The following TMEM38A variants were observed in gnomAD, a reference collection of about 807,000 sequenced individuals.
TMEM38A encodes the protein trimeric intracellular cation channel type A.
In TMEM38A, 17 loss-of-function variants were observed where a neutral mutation model predicts 28.6. That is an observed-to-expected ratio of 0.60 (90% CI 0.41 to 0.89). The LOEUF (loss-of-function observed/expected upper bound fraction) is 0.89, where lower values mean the gene tolerates loss of function less well. TMEM38A is among the 40% of genes least tolerant of loss of function. The pLI, the probability that TMEM38A is intolerant of heterozygous loss-of-function variation, is 0.00. For missense variants in TMEM38A, 328 were observed against 393.1 expected, an observed-to-expected ratio of 0.83 and a Z score of 1.40; for synonymous variants, 169 against 166.1, an observed-to-expected ratio of 1.02 and a Z score of -0.14.
Position 16,688,277 on chromosome 19 carries a change from G to A in TMEM38A, c.806G>A (p.Gly269Asp), listed in dbSNP as rs763234124. Residue 269 changes from glycine to aspartate, a missense_variant, in exon 6 of 6, where the codon GGT becomes GAT. By Grantham distance (94) the Gly-to-Asp change is moderately conservative. Coordinates refer to ENST00000187762, the MANE Select transcript of TMEM38A (RefSeq NM_024074.4). ...HDNHGGSHSG[G>D]GPGAQHSAMP... Reference sequence around the variant, plus strand: ...AACCATGGTGGGTCCCACAGCGGTGGTGGGCCAGGAGCTCAGCATTCGGCC... The same window carrying A: ...AACCATGGTGGGTCCCACAGCGGTGATGGGCCAGGAGCTCAGCATTCGGCC... 21 of 1,608,338 alleles carry A rather than the reference G, an allele frequency of 1.3e-5. No homozygotes were observed. The highest frequency in any genetic ancestry group is 1.6e-5 in the Non-Finnish European group (19 of 1,177,250).
In TMEM38A at chr19:16,688,100, C is replaced by T. The variant is rs773193555; in HGVS notation, c.673-44C>T. On this transcript the variant is annotated intron_variant, in intron 5 of 5. Transcript: ENST00000187762. ...CCACTCCTTTGCTTTCTACCTTGGTCTCCCTCTGTCTCTCTTGCTGTCTCC... is the reference window on the plus strand; with the variant it reads ...CCACTCCTTTGCTTTCTACCTTGGTTTCCCTCTGTCTCTCTTGCTGTCTCC... 2.2e-6 allele frequency: 3 copies of T among 1,341,798 alleles called. No homozygotes were observed. The South Asian group carries it at 5.6e-5, about 25-fold the overall frequency. 83.1% of individuals were successfully genotyped at this position (1,341,798 alleles called of 1,614,324 possible).
intron 1 of TMEM38A, among the ~76,000 whole-genome samples, chr19:16,670,878 G>T (rs916524509): frequency 1.3e-5 from 2 of 152,078 alleles, no homozygotes; most frequent in Non-Finnish European, 2.9e-5. Flanking sequence ...GGTGGAGGTT[G>T]CATCAAGCCA....
At position 16,688,354 on chromosome 19, in the gene TMEM38A, G is replaced by T; in HGVS notation, c.883G>T (p.Ala295Ser). The T allele has an allele frequency of 6.3e-7, 1 of 1,591,796 alleles. No homozygotes were observed. The change falls in exon 6 of 6, where the codon GCC becomes TCC. Residue 295 changes from alanine (A) to serine (S), a missense_variant. Coordinates refer to ENST00000187762, the MANE Select transcript of TMEM38A (RefSeq NM_024074.4). Reference protein sequence around the residue: ...ELSEGSRKKKAKKAD With the variant: ...ELSEGSRKKKSKKAD ...GAGCGAGGGCTCCAGGAAGAAGAAG[G>T]CCAAGAAGGCGGATTAGGGGGTGGC...
intron 1 of TMEM38A, among the ~76,000 whole-genome samples, chr19:16,669,585 A>C (rs1009919081): frequency 1.3e-5 from 2 of 152,144 alleles, no homozygotes; most frequent in African/African-American, 4.8e-5. Flanking sequence ...TCTGGTTTGA[A>C]CTACAAGCTT....
chr19:16,676,885 C>T (rs12459434), intron 1 of TMEM38A, among the ~76,000 whole-genome samples: 38 of 150,942 alleles, frequency 2.5e-4, no homozygotes, highest in Admixed American at 7.3e-4. Flanking sequence ...CTCAGCCTCC[C>T]GAGTAGCTGA....
chr19:16,677,193 A>G (rs967709482), intron 1 of TMEM38A, among the ~76,000 whole-genome samples: 2 of 152,074 alleles, frequency 1.3e-5, no homozygotes, highest in African/African-American at 2.4e-5. Flanking sequence ...TTTATGACTC[A>G]CAAGAAGTTG....
intron 1 of TMEM38A, among the ~76,000 whole-genome samples, chr19:16,675,238 T>C (rs1009475194): frequency 1.3e-5 from 2 of 152,092 alleles, no homozygotes; most frequent in African/African-American, 4.8e-5. Context: ...ATGACTCTTA[T>C]TTGTTTATTT....
chr19:16,683,013 G>A (rs561705438), intron 4 of TMEM38A, among the ~76,000 whole-genome samples: 5 of 152,014 alleles, frequency 3.3e-5, no homozygotes, highest in East Asian at 1.9e-4. Flanking sequence ...TTGCTCTGTC[G>A]CCCAGGCTTG....
intron 1 of TMEM38A, among the ~76,000 whole-genome samples, chr19:16,677,573 C>G (rs1290604021): frequency 1.3e-5 from 2 of 150,792 alleles, no homozygotes; most frequent in African/African-American, 4.9e-5. Flanking sequence ...CCTTCCCTCC[C>G]TTCCCCTCCC....
At chr19:16,679,182 A>AAG (rs1555710103) in intron 1 of TMEM38A, among the ~76,000 whole-genome samples, 1,996 of 139,886 alleles carry the variant, frequency 0.014, 144 homozygotes, top group African/African-American at 0.051. Flanking sequence ...AAAAAAAAAA[A>AAG]AAGAATACCA....
chr19:16,668,714 T>C (rs2086714024), intron 1 of TMEM38A, among the ~76,000 whole-genome samples: 1 of 152,116 alleles, frequency 6.6e-6, no homozygotes, highest in Non-Finnish European at 1.5e-5. Context: ...AATCATGCAG[T>C]ATGTACCCCT....
At chr19:16,662,159 C>G (rs1195313524) in intron 1 of TMEM38A, among the ~76,000 whole-genome samples, 1 of 152,112 alleles carries the variant, frequency 6.6e-6, no homozygotes, top group Non-Finnish European at 1.5e-5. Context: ...AGAACACCAG[C>G]AACTTACTAG....
chr19:16,681,340 A>G (rs1282419330), intron 3 of TMEM38A, among the ~76,000 whole-genome samples: 2 of 152,208 alleles, frequency 1.3e-5, no homozygotes, highest in Non-Finnish European at 2.9e-5. Context: ...TTAGAAATAA[A>G]GAACGTTTTA....
intron 1 of TMEM38A, among the ~76,000 whole-genome samples, chr19:16,668,069 C>T (rs563587225): frequency 1.3e-5 from 2 of 151,596 alleles, no homozygotes; most frequent in Non-Finnish European, 2.9e-5. Context: ...ATTAGCCAGG[C>T]GTGATGGCGG....
At chr19:16,670,269 G>GTTTTTTTTTTTTTTT (rs1411682446) in intron 1 of TMEM38A, among the ~76,000 whole-genome samples, 1 of 121,364 alleles carries the variant, frequency 8.2e-6, no homozygotes, top group African/African-American at 3.2e-5. Flanking sequence ...CGCCCGGCCT[G>GTTTTTTTTTTTTTTT]TTTTTTGTTT....
chr19:16,668,850 A>G (rs2086714637), intron 1 of TMEM38A, among the ~76,000 whole-genome samples: 1 of 135,904 alleles, frequency 7.4e-6, no homozygotes, highest in African/African-American at 3.2e-5. Context: ...TTTTTTTGAA[A>G]TGGACTTTGC....
At chr19:16,686,248 C>A in intron 4 of TMEM38A, 40 bp from the exon 5 acceptor site, 1 of 1,516,984 alleles carries the variant, frequency 6.6e-7, no homozygotes, top group Non-Finnish European at 9.1e-7. Flanking sequence ...AGACTTGAGC[C>A]ATGCAGGCAC....
At chr19:16,676,096 C>T (rs2086749843) in intron 1 of TMEM38A, among the ~76,000 whole-genome samples, 1 of 133,824 alleles carries the variant, frequency 7.5e-6, no homozygotes, top group African/African-American at 3.9e-5. Flanking sequence ...CGCGGTGGCT[C>T]ACACCTGTAA....
chr19:16,666,546 A>T (rs1209871954), intron 1 of TMEM38A, among the ~76,000 whole-genome samples: 1 of 151,998 alleles, frequency 6.6e-6, no homozygotes, highest in Non-Finnish European at 1.5e-5. Flanking sequence ...CTCCCACCTC[A>T]GCTTCCCATG....
Sources: gnomAD v4.1 joint callset for allele counts (sites outside exome capture counted in the v4.1 genomes callset) on GRCh38, gnomAD v4.1.1 for gene constraint, MANE v1.5 for transcripts, NCBI Gene and HGNC (gene_info 2026-07-23, HGNC 2026-07-21) for gene names.